Variants in CHD9 observed in about 807,000 individuals in gnomAD.
CHD9 encodes the protein ATP-dependent chromatin remodeler CHD9.
CHD9 carries 77 observed loss-of-function variants against 316.1 expected under a neutral mutation model. The ratio of observed to expected loss-of-function variants is 0.24; its 90% CI spans 0.20 to 0.29. The LOEUF (loss-of-function observed/expected upper bound fraction) is 0.29. Ranked by LOEUF, CHD9 falls within the 10% of genes least tolerant of loss-of-function variation. The pLI is 1.00. For synonymous variants in CHD9, 1,129 were observed against 1,158.3 expected (o/e 0.97, Z 0.51); for missense variants, 2,763 against 3,438.1 (o/e 0.80, Z 4.91).
rs61654246 is a variant in CHD9, at chr16:53,070,489, T to TTTCCTTCC, written c.-165+15450_-165+15457dup. Among the ~76,000 whole-genome samples, 81 of 144,886 alleles carry TTTCCTTCC rather than the reference T, an allele frequency of 5.6e-4. 1 individual carries two copies. The highest frequency in any genetic ancestry group is 8.3e-4 in the East Asian group (4 of 4,826). On this transcript the variant is annotated intron_variant, in intron 1 of 38. Transcript: ENST00000447540. ...TAGCATGTCTTTCTTTCTTTCTTTC[T>TTTCCTTCC]TTCCTTCCTTCCTTCCTTCCTTCCT...
rs778145005 is a variant in CHD9 at position 53,238,353 on chromosome 16, A to T, written c.2644A>T (p.Ile882Phe). Residue 882 changes from isoleucine to phenylalanine, a missense_variant, in exon 12 of 39, where the codon ATC (isoleucine) becomes TTC (phenylalanine). Ile to Phe is a conservative substitution (Grantham distance 21). Transcript: ENST00000447540. ...ATTTGTTTATTTCAGACGAAACTGC[A>T]TCTTAGCAGATGAAATGGGTCTTGG... The part of the protein sequence containing the change: ...LFNWYNRRNC[I>F]LADEMGLGKT... 2 of 1,612,276 alleles carry T rather than the reference A, an allele frequency of 1.2e-6. No individual in the cohort carries two copies. Among genetic ancestry groups the T allele is most frequent in the Non-Finnish European group, 1.7e-6 (2 of 1,178,878 alleles).
chr16:53,234,414 G>C (rs1234712212), intron 10 of CHD9, among the ~76,000 whole-genome samples: 4 of 152,058 alleles, frequency 2.6e-5, no homozygotes, highest in African/African-American at 9.7e-5. Context: ...CCTGATCTTA[G>C]GGGGAAAGCA....
intron 24 of CHD9, among the ~76,000 whole-genome samples, chr16:53,281,811 G>T (rs1215788671): frequency 6.6e-6 from 1 of 152,038 alleles, no homozygotes; most frequent in Non-Finnish European, 1.5e-5. Context: ...CAGATTACTC[G>T]GATCTCAACT....
rs768287419 is a variant in CHD9, at chr16:53,070,516, CCTTCCTTCCTTCCTTCCTCTCT to C, written c.-165+15442_-165+15463del. Among the ~76,000 whole-genome samples the C allele has an allele frequency of 1.2e-3, 162 of 134,818 alleles. 2 individuals carry two copies. Among genetic ancestry groups the C allele is most frequent in the African/African-American group, 1.7e-3 (60 of 35,352 alleles). 88.4% of individuals were successfully genotyped at this position (134,818 alleles called of 152,430 possible). On this transcript the variant is annotated intron_variant, in intron 1 of 38. Transcript: ENST00000447540. ...TCCTTCCTTCCTTCCTTCCTTCCTT[CCTTCCTTCCTTCCTTCCTCTCT>C]CTCTCTCTCTCTCTCTTTCTTTCTG...
At chr16:53,056,849 T>G (rs754761993) in intron 1 of CHD9, among the ~76,000 whole-genome samples, 8 of 152,226 alleles carry the variant, frequency 5.3e-5, no homozygotes, top group Non-Finnish European at 1.0e-4. Flanking sequence ...GTGCAGTAGA[T>G]TCTCATTATT....
At chr16:53,063,364 AC>A (rs2033141741) in intron 1 of CHD9, among the ~76,000 whole-genome samples, 1 of 127,536 alleles carries the variant, frequency 7.8e-6, no homozygotes, top group African/African-American at 4.5e-5. Context: ...AATTTCACAC[AC>A]ACACACACAC....
At chr16:53,097,354 CCCTTCCTTCCTTCCTTCCTTCCTTCCTT>C (rs58688221) in intron 1 of CHD9, among the ~76,000 whole-genome samples, 3 of 92,088 alleles carry the variant, frequency 3.3e-5, no homozygotes, top group Non-Finnish European at 6.5e-5. Flanking sequence ...ACCTCGCTCT[CCCTTCCTTCCTTCCTTCCTTCCTTCCTT>C]CCTTCCTTCC....
chr16:53,200,729 C>T (rs1363658933), intron 2 of CHD9, among the ~76,000 whole-genome samples: 1 of 152,158 alleles, frequency 6.6e-6, no homozygotes, highest in Non-Finnish European at 1.5e-5. Context: ...CTCAAAATAT[C>T]TTCCCATAAA....
At chr16:53,117,611 TC>T (rs940857539) in intron 1 of CHD9, among the ~76,000 whole-genome samples, 28 of 151,654 alleles carry the variant, frequency 1.8e-4, no homozygotes, top group African/African-American at 6.8e-4. Flanking sequence ...AGAAGGGGTT[TC>T]ACCATATTGG....
intron 1 of CHD9, among the ~76,000 whole-genome samples, chr16:53,129,462 C>T (rs2039117885): frequency 6.6e-6 from 1 of 152,238 alleles, no homozygotes; most frequent in Non-Finnish European, 1.5e-5. Context: ...GGGTTTCTTC[C>T]CAGCCCTGTC....
intron 1 of CHD9, among the ~76,000 whole-genome samples, chr16:53,124,110 G>T (rs1022992129): frequency 2.0e-5 from 3 of 152,120 alleles, no homozygotes; most frequent in African/African-American, 7.2e-5. Context: ...CTCTTGGGTT[G>T]CTGGGTTATA....
chr16:53,291,522 T>C (rs2054331365), intron 27 of CHD9, among the ~76,000 whole-genome samples: 2 of 152,220 alleles, frequency 1.3e-5, no homozygotes, highest in African/African-American at 4.8e-5. Context: ...AATGACTGTC[T>C]AATTGTCAAA....
rs1206792009 is a variant in CHD9 at position 53,296,798 on chromosome 16, A to G, written c.5511-158A>G. Among the ~76,000 whole-genome samples, 3 of 152,194 alleles carry G rather than the reference A, an allele frequency of 2.0e-5. No individual in the cohort carries two copies. In the East Asian group the frequency reaches 5.8e-4, roughly 29 times the overall value. ...GTATGGTTGGATAGATGAGTTAACT[A>G]GCATTTAAAAATGTTTTACAAGGCA... On this transcript the variant is annotated intron_variant, in intron 29 of 38. Transcript: ENST00000447540.
At chr16:53,171,792 A>C (rs76613250) in intron 2 of CHD9, among the ~76,000 whole-genome samples, 2,908 of 148,900 alleles carry the variant, frequency 0.02, 106 homozygotes, top group African/African-American at 0.068. Flanking sequence ...CAGGGGTTGC[A>C]GGTGACAGAG....
intron 22 of CHD9, among the ~76,000 whole-genome samples, chr16:53,272,035 A>C (rs1427891344): frequency 6.6e-6 from 1 of 152,164 alleles, no homozygotes; most frequent in Non-Finnish European, 1.5e-5. Context: ...TATGCAGCCT[A>C]TGTATATTTT....
chr16:53,165,254 A>G (rs1000580257), intron 2 of CHD9, among the ~76,000 whole-genome samples: 1 of 152,176 alleles, frequency 6.6e-6, no homozygotes, highest in Non-Finnish European at 1.5e-5. Flanking sequence ...CTATGGTTGT[A>G]ATTTTAGGTT....
At chr16:53,183,936 CTAAT>C (rs2043758831) in intron 2 of CHD9, among the ~76,000 whole-genome samples, 1 of 151,826 alleles carries the variant, frequency 6.6e-6, no homozygotes, top group South Asian at 2.1e-4. Flanking sequence ...AGGTACCTGG[CTAAT>C]TTTTTTTTTT....
Position 53,197,003 on chromosome 16 carries a change from A to C in CHD9, c.1453-12479A>C, listed in dbSNP as rs527830823. Among the ~76,000 whole-genome samples, 5 of 152,308 alleles carry C rather than the reference A, an allele frequency of 3.3e-5. No individual in the cohort carries two copies. In the East Asian group the frequency reaches 9.6e-4, roughly 29 times the overall value. On this transcript the variant is annotated intron_variant, in intron 2 of 38. Coordinates refer to ENST00000447540, the MANE Select transcript of CHD9 (RefSeq NM_001308319.2). Reference sequence around the variant, plus strand: ...GATGCTTCTCTCCTCCCAGAATTTCAGAGAGAATTTACTAGTCCATGCCAT... The same window carrying C: ...GATGCTTCTCTCCTCCCAGAATTTCCGAGAGAATTTACTAGTCCATGCCAT...
At chr16:53,301,706 A>G (rs2055436572) in intron 30 of CHD9, among the ~76,000 whole-genome samples, 1 of 151,588 alleles carries the variant, frequency 6.6e-6, no homozygotes, top group African/African-American at 2.4e-5. Context: ...ACAGAAGAGT[A>G]CAAAAAATGT....
Sources: gnomAD v4.1 joint callset for allele counts (sites outside exome capture counted in the v4.1 genomes callset) on GRCh38, gnomAD v4.1.1 for gene constraint, MANE v1.5 for transcripts, NCBI Gene and HGNC (gene_info 2026-07-23, HGNC 2026-07-21) for gene names.